BBS9: variants seen among roughly 807,000 people sequenced by gnomAD.
BBS9 encodes protein PTHB1.
A neutral mutation model predicts 117.7 loss-of-function variants in BBS9; 89 were observed. That is an observed-to-expected ratio of 0.76 (90% CI 0.64 to 0.90). The LOEUF (loss-of-function observed/expected upper bound fraction) is 0.90, where lower values mean the gene tolerates loss of function less well. Among genes scored for constraint, BBS9 ranks in the 40% least tolerant of loss-of-function variants. The pLI, the probability that BBS9 is intolerant of heterozygous loss-of-function variation, is 0.00. For missense variants in BBS9, 982 were observed against 1,042.2 expected, an observed-to-expected ratio of 0.94 and a Z score of 0.80; for synonymous variants, 379 against 370.9, an observed-to-expected ratio of 1.02 and a Z score of -0.25.
At chr7:33,209,227 A>G (rs1302653571) in intron 5 of BBS9, among the ~76,000 whole-genome samples, 7 of 152,222 alleles carry the variant, frequency 4.6e-5, no homozygotes, top group Non-Finnish European at 1.5e-5. Flanking sequence ...TATTTCACCT[A>G]ACATAATGAC....
chr7:33,437,664 A>G (rs1314858326), intron 19 of BBS9, among the ~76,000 whole-genome samples: 3 of 152,140 alleles, frequency 2.0e-5, no homozygotes, highest in Admixed American at 6.5e-5. Flanking sequence ...ACCTGAGGTC[A>G]GGAGTTTGAG....
chr7:33,583,531 T>A (rs1350701299), intron 21 of BBS9, among the ~76,000 whole-genome samples: 4 of 152,144 alleles, frequency 2.6e-5, no homozygotes. Context: ...GTGATTGTAC[T>A]TAATTATGGG....
chr7:33,303,522 T>TTCCC (rs1806961766), intron 9 of BBS9, among the ~76,000 whole-genome samples: 3 of 77,030 alleles, frequency 3.9e-5, no homozygotes, highest in Non-Finnish European at 7.1e-5. Context: ...AATGATCCCC[T>TTCCC]CCCCCCGCCC....
chr7:33,454,463 C>G (rs531620057), intron 19 of BBS9, among the ~76,000 whole-genome samples: 1 of 152,322 alleles, frequency 6.6e-6, no homozygotes, highest in African/African-American at 2.4e-5. Context: ...CTCCAAGAAG[C>G]TCCCAGCAGA....
intron 19 of BBS9, among the ~76,000 whole-genome samples, chr7:33,445,955 A>C (rs1218525860): frequency 6.6e-6 from 1 of 152,170 alleles, no homozygotes; most frequent in South Asian, 2.1e-4. Context: ...ACCTTTCTTT[A>C]TAAATTACCC....
intron 19 of BBS9, among the ~76,000 whole-genome samples, chr7:33,464,693 TTTAA>T (rs1309084655): frequency 6.6e-6 from 1 of 151,876 alleles, no homozygotes; most frequent in African/African-American, 2.4e-5. Context: ...ATATTATATA[TTTAA>T]TTAATATTTG....
intron 21 of BBS9, among the ~76,000 whole-genome samples, chr7:33,548,541 C>T (rs1563342226): frequency 7.4e-6 from 1 of 135,858 alleles, no homozygotes; most frequent in Non-Finnish European, 1.5e-5. Context: ...TATTCCCCTT[C>T]CTGTGTCCAT....
intron 21 of BBS9, among the ~76,000 whole-genome samples, chr7:33,617,441 C>T (rs1865197354): frequency 2.0e-5 from 3 of 152,038 alleles, no homozygotes; most frequent in South Asian, 4.2e-4. Flanking sequence ...AGGTCAGTGC[C>T]TCCTTCTTCA....
intron 3 of BBS9, among the ~76,000 whole-genome samples, chr7:33,153,642 CATTTAGTCAGGGCCCTAACTCCTGCTTG>C (rs1348468737): frequency 4.6e-5 from 7 of 152,164 alleles, no homozygotes; most frequent in African/African-American, 1.7e-4. Context: ...CCCCAGGGGC[CATTTAGTCAGGGCCCTAACTCCTGCTTG>C]AAAACCAAAC....
At chr7:33,590,459 G>GTTTTTTTGTTTTTTTTTTTTT in intron 21 of BBS9, among the ~76,000 whole-genome samples, 1 of 101,504 alleles carries the variant, frequency 9.9e-6, no homozygotes, top group African/African-American at 4.0e-5. Context: ...TTGTTTTTTT[G>GTTTTTTTGTTTTTTTTTTTTT]TTTTTTTTTT....
At chr7:33,459,483 A>T (rs1018138885) in intron 19 of BBS9, among the ~76,000 whole-genome samples, 21 of 152,178 alleles carry the variant, frequency 1.4e-4, no homozygotes, top group African/African-American at 5.1e-4. Flanking sequence ...CACAGGGCTG[A>T]GGTTGAGAAG....
chr7:33,469,633 C>T (rs1196503245), intron 19 of BBS9, among the ~76,000 whole-genome samples: 1 of 152,106 alleles, frequency 6.6e-6, no homozygotes, highest in Non-Finnish European at 1.5e-5. Context: ...AATGCAATAT[C>T]TATTTGAAAT....
intron 21 of BBS9, among the ~76,000 whole-genome samples, chr7:33,573,694 C>T (rs889640112): frequency 1.3e-5 from 2 of 152,078 alleles, no homozygotes; most frequent in African/African-American, 4.8e-5. Context: ...AAAACTTTAT[C>T]AAAGGCGCTC....
chr7:33,514,620 C>T (rs758666745), intron 20 of BBS9, among the ~76,000 whole-genome samples: 32 of 152,200 alleles, frequency 2.1e-4, no homozygotes, highest in Middle Eastern at 3.4e-3. Context: ...TAAAACACAT[C>T]GAGTGAGAAA....
intron 19 of BBS9, among the ~76,000 whole-genome samples, chr7:33,418,250 G>T (rs1166458765): frequency 6.6e-6 from 1 of 152,176 alleles, no homozygotes; most frequent in East Asian, 1.9e-4. Context: ...GCTGGTTGTG[G>T]TTGTGATACT....
chr7:33,478,861 T>G (rs7786748), intron 19 of BBS9, among the ~76,000 whole-genome samples: 116,318 of 149,046 alleles, frequency 0.78, 46,292 homozygotes, highest in African/African-American at 0.94. Context: ...GAGAAGTAAA[T>G]ATGATGTTAG....
chr7:33,212,985 TCAC>T (rs1456701088), intron 5 of BBS9, among the ~76,000 whole-genome samples: 2 of 152,112 alleles, frequency 1.3e-5, no homozygotes, highest in Non-Finnish European at 2.9e-5. Flanking sequence ...GTACTGGGTG[TCAC>T]CCAAGGCCTG....
chr7:33,409,997 G>A (rs1830820386), intron 19 of BBS9, among the ~76,000 whole-genome samples: 1 of 151,980 alleles, frequency 6.6e-6, no homozygotes, highest in Admixed American at 6.6e-5. Flanking sequence ...CCTTAGGAGT[G>A]CTATGATTAA....
intron 9 of BBS9, among the ~76,000 whole-genome samples, chr7:33,307,618 C>T (rs148224385): frequency 7.2e-4 from 109 of 152,072 alleles, no homozygotes; most frequent in African/African-American, 2.6e-3. Context: ...TGCTTATAAC[C>T]TATGTACATC....
Sources: gnomAD v4.1 joint callset for allele counts (sites outside exome capture counted in the v4.1 genomes callset) on GRCh38, gnomAD v4.1.1 for gene constraint, MANE v1.5 for transcripts, NCBI Gene and HGNC (gene_info 2026-07-23, HGNC 2026-07-21) for gene names.